Variants in ZBTB38 observed in about 807,000 individuals in gnomAD.
The protein encoded by ZBTB38 is zinc finger and BTB domain containing 38.
ZBTB38 carries 20 observed loss-of-function variants against 76.8 expected under a neutral mutation model. That is an observed-to-expected ratio of 0.26 (90% CI 0.18 to 0.38). The LOEUF is 0.38. ZBTB38 is among the 10% of genes least tolerant of loss of function. The pLI is 1.00. For synonymous variants in ZBTB38, 504 were observed against 544.2 expected (o/e 0.93, Z 1.03); for missense variants, 1,082 against 1,482.3 (o/e 0.73, Z 4.43).
In ZBTB38 at chr3:141,444,178, A is replaced by T; in HGVS notation, c.1790A>T (p.Glu597Val). Residue 597 changes from glutamate to valine, a missense_variant, in exon 6 of 6, where the codon GAG (glutamate) becomes GTG (valine). Around this residue, in one of 8 missense-constraint regions of ZBTB38, gnomAD observed 471 missense variants for 581.0 expected, o/e 0.81. Transcript: ENST00000321464. This position sits in a 1 kb window ranked among gnomAD's most constrained non-coding sequence, Gnocchi z 5.1. ...GCACGAGAAAACAGTCAAATGAATG[A>T]GTCTGCACCTGGTACCTATGTTGTT... Reference protein sequence around the residue: ...ENARENSQMNESAPGTYVVQN... With the variant: ...ENARENSQMNVSAPGTYVVQN... The T allele has an allele frequency of 6.2e-7, 1 of 1,614,208 alleles. No homozygotes were observed. The highest frequency in any genetic ancestry group is 1.6e-4 in the Middle Eastern group (1 of 6,062).
chr3:141,435,420 T>C (rs760721115), intron 5 of ZBTB38, among the ~76,000 whole-genome samples: 32 of 152,208 alleles, frequency 2.1e-4, no homozygotes, highest in Non-Finnish European at 3.7e-4. Flanking sequence ...TGCTTGTATT[T>C]GCACATACAT....
upstream of ZBTB38, among the ~76,000 whole-genome samples, chr3:141,364,308 G>A (rs1349644388): frequency 3.3e-5 from 5 of 150,818 alleles, no homozygotes; most frequent in Non-Finnish European, 7.4e-5. Context: ...CCATAGACAG[G>A]GAGATAATAT....
chr3:141,428,112 C>T (rs1351680069), intron 5 of ZBTB38, among the ~76,000 whole-genome samples: 7 of 152,210 alleles, frequency 4.6e-5, no homozygotes, highest in Non-Finnish European at 7.3e-5. Context: ...CTGCCATCCT[C>T]GGCTGCCCTG....
In ZBTB38 at chr3:141,447,698, T is replaced by A. The variant is rs1325887403; in HGVS notation, c.*1722T>A. 2.0e-5 allele frequency: 3 copies of A among 152,212 alleles called. No individual in the cohort carries two copies. Among genetic ancestry groups the A allele is most frequent in the South Asian group, 2.1e-4 (1 of 4,834 alleles). The allele number at this position is 152,212 out of a possible 1,614,324, so 9.4% of individuals were successfully genotyped here. ...ATTGTGAAGAAGTAGCTCAAAGGAC[T>A]CCGGTTTCTGTCTACAAGTGTGATG... is the stretch of plus-strand genomic sequence containing the variant. On this transcript the variant is annotated 3_prime_UTR_variant, in exon 6 of 6. Transcript: ENST00000321464.
In ZBTB38 at chr3:141,442,442, G is replaced by A. The variant is rs1020749991; in HGVS notation, c.54G>A (p.Thr18=). Residue 18 remains threonine, a synonymous_variant, in exon 6 of 6, where the codon ACG becomes ACA. Transcript: ENST00000321464. The surrounding 1 kb of genome is among the most constrained non-coding windows in gnomAD (Gnocchi z 6.4). ...RDLKDDFHSD[T]VLSILNEQRI... is the part of the protein sequence containing the mutation. ...TCAAGGACGACTTTCACAGTGACACGGTACTCTCCATCTTAAATGAGCAGC... is the reference window on the plus strand; with the variant it reads ...TCAAGGACGACTTTCACAGTGACACAGTACTCTCCATCTTAAATGAGCAGC... 12 of 1,614,026 alleles carry A rather than the reference G, an allele frequency of 7.4e-6. No individual in the cohort carries two copies. The highest frequency in any genetic ancestry group is 4.5e-5 in the East Asian group (2 of 44,894).
rs752318765 is a variant in ZBTB38, at chr3:141,448,534, C to A, written c.*2558C>A. 6.6e-6 allele frequency: 1 copy of A among 152,478 alleles called. No homozygotes were observed. Among genetic ancestry groups the A allele is most frequent in the Non-Finnish European group, 1.5e-5 (1 of 68,008 alleles). 9.4% of individuals were successfully genotyped at this position (152,478 alleles called of 1,614,324 possible). A position where few individuals can be genotyped will look rare whatever the true frequency, so the allele number is the denominator to read the frequency against. On this transcript the variant is annotated 3_prime_UTR_variant, in exon 6 of 6. Coordinates refer to ENST00000321464, the MANE Select transcript of ZBTB38 (RefSeq NM_001376113.1). ...AATTAAAGTAAGTGTAAACAGTGAA[C>A]ATACTGTATGCTGTACAAGATATAA... is the stretch of plus-strand genomic sequence containing the variant.
chr3:141,352,215 T>C (rs1032197131), intron 1 of ZBTB38, among the ~76,000 whole-genome samples: 3 of 151,650 alleles, frequency 2.0e-5, no homozygotes, highest in Non-Finnish European at 4.4e-5. Context: ...GAAGCTAGAG[T>C]GGAGAGAGTG....
At chr3:141,369,599 G>A (rs1424780365) in intron 1 of ZBTB38, among the ~76,000 whole-genome samples, 1 of 152,146 alleles carries the variant, frequency 6.6e-6, no homozygotes, top group Non-Finnish European at 1.5e-5. Flanking sequence ...TGATTTTCCC[G>A]GCTTCTAAGT....
At chr3:141,362,275 A>G (rs898580357) in intron 1 of ZBTB38, among the ~76,000 whole-genome samples, 4 of 152,144 alleles carry the variant, frequency 2.6e-5, no homozygotes, top group African/African-American at 9.7e-5. Flanking sequence ...GGCGTGATTC[A>G]GGAGGAAGAA....
chr3:141,360,641 G>A (rs1037635439), intron 1 of ZBTB38, among the ~76,000 whole-genome samples: 1 of 152,174 alleles, frequency 6.6e-6, no homozygotes, highest in Non-Finnish European at 1.5e-5. Flanking sequence ...CTGTGAATAA[G>A]CTGTAAGTCC....
chr3:141,343,291 A>G lies in ZBTB38; in HGVS notation c.-739+18835A>G, dbSNP rs115615255. On this transcript the variant is annotated intron_variant, in intron 1 of 7. Coordinates refer to the ZBTB38 transcript ENST00000509842. ...AGACCACGGGAGTATTGGTTAAACCAACACTCCAGTTTACTCTTATGAACC... is the reference window on the plus strand; with the variant it reads ...AGACCACGGGAGTATTGGTTAAACCGACACTCCAGTTTACTCTTATGAACC... 6.9e-3 allele frequency among the ~76,000 whole-genome samples: 1,044 copies of G among 152,190 alleles called. 3 individuals carry two copies. The highest frequency in any genetic ancestry group is 9.1e-3 in the Non-Finnish European group (620 of 67,986).
chr3:141,391,672 G>T (rs1431684850), intron 4 of ZBTB38, among the ~76,000 whole-genome samples: 2 of 152,234 alleles, frequency 1.3e-5, no homozygotes, highest in Non-Finnish European at 2.9e-5. Flanking sequence ...AAATTTCTGA[G>T]AAGCCTCTTG....
intron 1 of ZBTB38, among the ~76,000 whole-genome samples, chr3:141,346,450 C>T (rs1287250661): frequency 6.6e-6 from 1 of 152,170 alleles, no homozygotes; most frequent in East Asian, 1.9e-4. Flanking sequence ...TCCTTTCCTC[C>T]CTTCTACCCA....
chr3:141,414,672 T>A (rs980347561), intron 5 of ZBTB38, among the ~76,000 whole-genome samples: 2 of 152,156 alleles, frequency 1.3e-5, no homozygotes, highest in Admixed American at 1.3e-4. Flanking sequence ...TCCAGGCATG[T>A]CCGTCTTAAG....
At chr3:141,339,467 A>G (rs1414242677) in intron 1 of ZBTB38, among the ~76,000 whole-genome samples, 1 of 152,218 alleles carries the variant, frequency 6.6e-6, no homozygotes, top group Admixed American at 6.5e-5. Context: ...ACAAAGTAGG[A>G]GACTACTATA....
At chr3:141,364,973 C>G (rs1171384603), upstream of ZBTB38, among the ~76,000 whole-genome samples, 2 of 152,040 alleles carry the variant, frequency 1.3e-5, no homozygotes, top group Admixed American at 1.3e-4. Flanking sequence ...CTTTGGAAAA[C>G]AGTTTGATAG....
At chr3:141,428,120 C>G (rs2076743625) in intron 5 of ZBTB38, among the ~76,000 whole-genome samples, 1 of 152,218 alleles carries the variant, frequency 6.6e-6, no homozygotes, top group Non-Finnish European at 1.5e-5. Flanking sequence ...CTCGGCTGCC[C>G]TGCTTGGAGA....
chr3:141,355,182 G>T (rs986802720), intron 1 of ZBTB38, among the ~76,000 whole-genome samples: 1 of 152,026 alleles, frequency 6.6e-6, no homozygotes, highest in Admixed American at 6.6e-5. Flanking sequence ...TTACATTATA[G>T]AGATAAATGT....
chr3:141,363,377 G>T (rs1244318192), intron 1 of ZBTB38, among the ~76,000 whole-genome samples: 1 of 152,142 alleles, frequency 6.6e-6, no homozygotes, highest in African/African-American at 2.4e-5. Flanking sequence ...TGTATTTTTT[G>T]CAGAAATTGA....
Sources: allele counts gnomAD v4.1 joint callset (sites outside exome capture counted in the v4.1 genomes callset), GRCh38; gene constraint gnomAD v4.1.1; regional missense constraint gnomAD v4.1.1; non-coding constraint Gnocchi (gnomAD v3.1); transcripts MANE v1.5; gene names NCBI Gene and HGNC (gene_info 2026-07-23, HGNC 2026-07-21).